The following ADAM12 variants were observed in gnomAD, a reference collection of about 807,000 sequenced individuals.
ADAM12 encodes the protein disintegrin and metalloproteinase domain-containing protein 12.
ADAM12 carries 70 observed loss-of-function variants against 106.4 expected under a neutral mutation model. That is an observed-to-expected ratio of 0.66 (90% CI 0.54 to 0.80). The LOEUF (loss-of-function observed/expected upper bound fraction) is 0.80, where lower values mean the gene tolerates loss of function less well. Among genes scored for constraint, ADAM12 ranks in the 30% least tolerant of loss-of-function variants. The pLI, the probability that ADAM12 is intolerant of heterozygous loss-of-function variation, is 0.00. For synonymous variants in ADAM12, 420 were observed against 433.5 expected (o/e 0.97, Z 0.39); for missense variants, 1,010 against 1,171.9 (o/e 0.86, Z 2.02).
At chr10:126,106,349 C>T (rs932054293) in intron 8 of ADAM12, among the ~76,000 whole-genome samples, 19 of 152,078 alleles carry the variant, frequency 1.2e-4, no homozygotes, top group African/African-American at 3.4e-4. Flanking sequence ...ACTTAGAGCC[C>T]GGCACACAGT....
intron 9 of ADAM12, among the ~76,000 whole-genome samples, chr10:126,100,731 C>CA (rs756611637): frequency 6.6e-6 from 1 of 151,848 alleles, no homozygotes. Flanking sequence ...AACAAACAAA[C>CA]AAAAAACAAA....
In ADAM12 at chr10:126,152,490, T is replaced by C. The variant is rs138480861; in HGVS notation, c.339+2737A>G. ...GCTCCTTTTATCATTACAGAATTAC[T>C]CCCTTTATGCCTATTAATGTCATTT... is the stretch of plus-strand genomic sequence containing the variant. On this transcript the variant is annotated intron_variant, in intron 4 of 22. Transcript: ENST00000448723. Among the ~76,000 whole-genome samples, 880 of 152,164 alleles carry C rather than the reference T, an allele frequency of 5.8e-3. 9 individuals are homozygous for C. Among genetic ancestry groups the C allele is most frequent in the African/African-American group, 0.02 (848 of 41,562 alleles).
chr10:126,158,381 CAG>C (rs1354158905), intron 3 of ADAM12, among the ~76,000 whole-genome samples: 12 of 58,776 alleles, frequency 2.0e-4, no homozygotes, highest in Admixed American at 9.0e-4. Context: ...GGAAGATGCA[CAG>C]AGCATGGGGA....
At position 126,317,556 on chromosome 10, in the gene ADAM12, G is replaced by A. The variant is rs1031293999; in HGVS notation, c.186+12856C>T. Among the ~76,000 whole-genome samples the A allele has an allele frequency of 3.9e-5, 6 of 152,170 alleles. No homozygotes were observed. In the South Asian group the frequency reaches 1.0e-3, roughly 26 times the overall value. On this transcript the variant is annotated intron_variant, in intron 2 of 22. Transcript: ENST00000448723. Reference sequence around the variant, plus strand: ...GCCTTGAGGCATGGATCAATGCAAGGAATGTGAAATACCAGAGCTAGGTCA... The same window carrying A: ...GCCTTGAGGCATGGATCAATGCAAGAAATGTGAAATACCAGAGCTAGGTCA...
chr10:126,268,112 G>A (rs1313610062), intron 3 of ADAM12, among the ~76,000 whole-genome samples: 4 of 152,120 alleles, frequency 2.6e-5, no homozygotes, highest in Middle Eastern at 3.4e-3. Context: ...CCCACCAAAC[G>A]CCTCACTCCC....
intron 21 of ADAM12, among the ~76,000 whole-genome samples, chr10:126,027,532 G>C (rs887244553): frequency 2.6e-5 from 4 of 152,106 alleles, no homozygotes; most frequent in African/African-American, 9.7e-5. Context: ...AATCAAGTAG[G>C]CTTCGTCCCA....
At position 126,187,332 on chromosome 10, in the gene ADAM12, A is replaced by AAAAAC. The variant is rs200381953; in HGVS notation, c.261-32032_261-32028dup. Among the ~76,000 whole-genome samples the AAAAAC allele has an allele frequency of 1.5e-3, 227 of 151,050 alleles. 1 individual carries two copies. Among genetic ancestry groups the AAAAAC allele is most frequent in the African/African-American group, 5.3e-3 (218 of 41,436 alleles). ...AACTGTGAAGGAAATGAAATAAAAA[A>AAAAAC]AAAACAAATTTAATGTTGCAAATAA... On this transcript the variant is annotated intron_variant, in intron 3 of 22. Transcript: ENST00000448723.
chr10:126,150,506 G>A (rs755871312), intron 4 of ADAM12, among the ~76,000 whole-genome samples: 3 of 152,090 alleles, frequency 2.0e-5, no homozygotes, highest in Non-Finnish European at 4.4e-5. Context: ...TGGTACCACT[G>A]AGAAACAAAT....
intron 1 of ADAM12, among the ~76,000 whole-genome samples, chr10:126,384,700 G>A (rs762845517): frequency 3.9e-5 from 6 of 152,084 alleles, no homozygotes; most frequent in Non-Finnish European, 8.8e-5. Context: ...GTAAGGGATG[G>A]GAAAAACCAA....
At chr10:126,301,068 G>A (rs917587937) in intron 2 of ADAM12, among the ~76,000 whole-genome samples, 6 of 152,228 alleles carry the variant, frequency 3.9e-5, no homozygotes, top group Non-Finnish European at 7.3e-5. Flanking sequence ...TGTCTCAACA[G>A]GGTGAAAGAT....
At chr10:126,132,226 GC>G (rs1956318886) in intron 5 of ADAM12, among the ~76,000 whole-genome samples, 1 of 152,142 alleles carries the variant, frequency 6.6e-6, no homozygotes, top group Non-Finnish European at 1.5e-5. Context: ...ACCCGCCTCG[GC>G]CTCCCAAAGT....
intron 1 of ADAM12, among the ~76,000 whole-genome samples, chr10:126,350,151 A>C (rs1449629685): frequency 6.6e-6 from 1 of 152,198 alleles, no homozygotes; most frequent in Admixed American, 6.5e-5. Flanking sequence ...GAAAAAATTG[A>C]AACAACTAAA....
intron 1 of ADAM12, among the ~76,000 whole-genome samples, chr10:126,336,314 GAAT>G (rs1481642668): frequency 2.0e-5 from 3 of 152,170 alleles, no homozygotes; most frequent in African/African-American, 7.2e-5. Flanking sequence ...AATTTTACAA[GAAT>G]AATCATGTCA....
chr10:126,125,211 C>T (rs1193617518), intron 5 of ADAM12, among the ~76,000 whole-genome samples: 1 of 150,942 alleles, frequency 6.6e-6, no homozygotes, highest in Non-Finnish European at 1.5e-5. Flanking sequence ...GAGCCAGGCT[C>T]TCGAATGTAT....
chr10:126,186,250 C>T (rs1326204174), intron 3 of ADAM12, among the ~76,000 whole-genome samples: 3 of 152,132 alleles, frequency 2.0e-5, no homozygotes, highest in Non-Finnish European at 2.9e-5. Flanking sequence ...AAAACCCTAT[C>T]GATCAATATA....
intron 1 of ADAM12, among the ~76,000 whole-genome samples, chr10:126,357,458 C>T (rs974716856): frequency 3.9e-5 from 6 of 152,040 alleles, no homozygotes; most frequent in African/African-American, 1.4e-4. Flanking sequence ...AAAAAGTCTC[C>T]CATCAAAGAA....
intron 1 of ADAM12, among the ~76,000 whole-genome samples, 160 bp downstream of exon 1, chr10:126,387,898 G>C (rs935033453): frequency 1.3e-5 from 2 of 150,234 alleles, no homozygotes; most frequent in African/African-American, 4.9e-5. Context: ...CTGGGGGGGG[G>C]GGGTCGGTCT....
chr10:126,308,963 A>C (rs1397538042), intron 2 of ADAM12, among the ~76,000 whole-genome samples: 1 of 152,194 alleles, frequency 6.6e-6, no homozygotes, highest in Non-Finnish European at 1.5e-5. Context: ...CTGAGTAGAT[A>C]TCTGCCATTT....
intron 5 of ADAM12, among the ~76,000 whole-genome samples, chr10:126,125,150 C>G (rs1432640230): frequency 6.6e-6 from 1 of 152,012 alleles, no homozygotes; most frequent in Non-Finnish European, 1.5e-5. Flanking sequence ...ATCATTCCCC[C>G]CAAAACTCTG....
Sources: gnomAD v4.1 joint callset for allele counts (sites outside exome capture counted in the v4.1 genomes callset) on GRCh38, gnomAD v4.1.1 for gene constraint, MANE v1.5 for transcripts, NCBI Gene and HGNC (gene_info 2026-07-23, HGNC 2026-07-21) for gene names.